STX12: variants seen among roughly 807,000 people sequenced by gnomAD.
STX12 encodes syntaxin 12.
A neutral mutation model predicts 42.2 loss-of-function variants in STX12; 17 were observed. The ratio of observed to expected loss-of-function variants is 0.40; its 90% CI spans 0.28 to 0.60. The LOEUF is 0.60. STX12 is among the 20% of genes least tolerant of loss of function. The pLI, the probability that STX12 is intolerant of heterozygous loss-of-function variation, is 0.39. For synonymous variants in STX12, 108 were observed against 116.7 expected, an observed-to-expected ratio of 0.93 and a Z score of 0.48; for missense variants, 297 against 330.9, an observed-to-expected ratio of 0.90 and a Z score of 0.79.
intron 1 of STX12, among the ~76,000 whole-genome samples, chr1:27,783,671 A>C (rs985770181): frequency 6.6e-6 from 1 of 152,174 alleles, no homozygotes. Flanking sequence ...TTGCTTACAC[A>C]GAACTGAAGG....
intron 1 of STX12, among the ~76,000 whole-genome samples, chr1:27,788,877 TGGC>T (rs1387366098): frequency 6.6e-6 from 1 of 152,060 alleles, no homozygotes; most frequent in Non-Finnish European, 1.5e-5. Flanking sequence ...TCGGGCGTGG[TGGC>T]AGGCGCCTGT....
At chr1:27,805,236 G>T (rs1313742446) in intron 4 of STX12, among the ~76,000 whole-genome samples, 1 of 152,108 alleles carries the variant, frequency 6.6e-6, no homozygotes, top group Non-Finnish European at 1.5e-5. Context: ...GATGTATACT[G>T]TATTAGAAAT....
chr1:27,794,751 G>C (rs1386372908), intron 3 of STX12, among the ~76,000 whole-genome samples: 1 of 152,022 alleles, frequency 6.6e-6, no homozygotes, highest in Non-Finnish European at 1.5e-5. Context: ...TTGAGATAGG[G>C]TATTACTCTG....
chr1:27,807,199 T>A (rs2088867613), intron 4 of STX12, among the ~76,000 whole-genome samples: 3 of 152,188 alleles, frequency 2.0e-5, no homozygotes, highest in African/African-American at 4.8e-5. Flanking sequence ...TCCTTTATGT[T>A]ACAGACAATT....
intron 3 of STX12, among the ~76,000 whole-genome samples, chr1:27,796,138 A>G (rs2088784424): frequency 6.6e-6 from 1 of 152,144 alleles, no homozygotes; most frequent in South Asian, 2.1e-4. Flanking sequence ...ATCATTAAGA[A>G]CACGAACTAG....
At chr1:27,801,956 A>T (rs2088830881) in intron 4 of STX12, 141 bp downstream of exon 4, 1 of 900,182 alleles carries the variant, frequency 1.1e-6, no homozygotes, top group Admixed American at 3.3e-5. Context: ...ACCTATGTAA[A>T]AAACATATAT....
intron 2 of STX12, among the ~76,000 whole-genome samples, chr1:27,791,325 A>G (rs1431000629): frequency 8.7e-6 from 1 of 114,946 alleles, no homozygotes; most frequent in Non-Finnish European, 1.8e-5. Flanking sequence ...ATGTTACACA[A>G]TTTTATATTA....
At chr1:27,812,682 C>G (rs891451403) in intron 6 of STX12, among the ~76,000 whole-genome samples, 1 of 152,098 alleles carries the variant, frequency 6.6e-6, no homozygotes, top group Non-Finnish European at 1.5e-5. Flanking sequence ...CTCAGGTGAT[C>G]CACCCTCATC....
chr1:27,773,662 T>G (rs2088610975), intron 1 of STX12, among the ~76,000 whole-genome samples: 1 of 152,104 alleles, frequency 6.6e-6, no homozygotes, highest in African/African-American at 2.4e-5. Context: ...GCCCCCACGG[T>G]GCTGGGACCA....
chr1:27,776,042 A>T (rs565887722), intron 1 of STX12, among the ~76,000 whole-genome samples: 2 of 152,258 alleles, frequency 1.3e-5, no homozygotes, highest in East Asian at 3.9e-4. Flanking sequence ...AAAGGGAGAG[A>T]CTGGAATCAG....
intron 1 of STX12, among the ~76,000 whole-genome samples, chr1:27,781,318 AT>A (rs2088666656): frequency 6.6e-6 from 1 of 152,144 alleles, no homozygotes; most frequent in Admixed American, 6.5e-5. Flanking sequence ...TGCTGGGATT[AT>A]AGGTGTGAGC....
At chr1:27,784,615 T>TA (rs1269424892) in intron 1 of STX12, among the ~76,000 whole-genome samples, 1 of 152,186 alleles carries the variant, frequency 6.6e-6, no homozygotes, top group African/African-American at 2.4e-5. Context: ...TACTGAAAGA[T>TA]ACATCTCTTA....
At chr1:27,782,685 A>G (rs1394349843) in intron 1 of STX12, among the ~76,000 whole-genome samples, 2 of 152,038 alleles carry the variant, frequency 1.3e-5, no homozygotes, top group Admixed American at 6.6e-5. Context: ...AAAATATACA[A>G]ATTAGCCCGG....
chr1:27,791,078 T>C (rs1268003796), intron 2 of STX12, among the ~76,000 whole-genome samples: 1 of 152,072 alleles, frequency 6.6e-6, no homozygotes, highest in Non-Finnish European at 1.5e-5. Flanking sequence ...CTGACCAACA[T>C]GGTGAAACTC....
intron 3 of STX12, 52 bp downstream of exon 3, chr1:27,793,684 A>G (rs2088764972): frequency 6.7e-7 from 1 of 1,485,584 alleles, no homozygotes; most frequent in Non-Finnish European, 9.4e-7. Flanking sequence ...GTGTTAGTAG[A>G]AAGGCAGTGT....
intron 3 of STX12, among the ~76,000 whole-genome samples, chr1:27,796,345 A>T (rs574434144): frequency 3.3e-5 from 5 of 152,100 alleles, no homozygotes; most frequent in Non-Finnish European, 7.4e-5. Flanking sequence ...ACTATCATCA[A>T]TGATCTAGTT....
At chr1:27,807,184 A>G (rs1302875299) in intron 4 of STX12, among the ~76,000 whole-genome samples, 1 of 152,118 alleles carries the variant, frequency 6.6e-6, no homozygotes, top group Non-Finnish European at 1.5e-5. Context: ...CCCCTCAAGC[A>G]TTTATCCTTT....
chr1:27,798,274 T>G (rs1362737619), intron 3 of STX12, among the ~76,000 whole-genome samples: 1 of 152,078 alleles, frequency 6.6e-6, no homozygotes, highest in Non-Finnish European at 1.5e-5. Flanking sequence ...TTCACACCTG[T>G]AATCCCAGAA....
At chr1:27,807,739 T>C (rs74987780) in intron 4 of STX12, among the ~76,000 whole-genome samples, 3,501 of 152,314 alleles carry the variant, frequency 0.023, 133 homozygotes, top group African/African-American at 0.08. Flanking sequence ...TACAAGAATG[T>C]GCATAGCAGC....
Sources: gnomAD v4.1 joint callset for allele counts (sites outside exome capture counted in the v4.1 genomes callset) on GRCh38, gnomAD v4.1.1 for gene constraint, MANE v1.5 for transcripts, NCBI Gene and HGNC (gene_info 2026-07-23, HGNC 2026-07-21) for gene names.